MITF: variants seen among roughly 807,000 people sequenced by gnomAD.
MITF encodes the protein microphthalmia-associated transcription factor.
MITF carries 17 observed loss-of-function variants against 60.5 expected under a neutral mutation model. The observed-to-expected ratio is 0.28, with a 90% CI of 0.19 to 0.42. The LOEUF (loss-of-function observed/expected upper bound fraction) is 0.42. Ranked by LOEUF, MITF falls within the 10% of genes least tolerant of loss-of-function variation. The pLI is 1.00. For synonymous variants in MITF, 260 were observed against 248.5 expected (o/e 1.05, Z -0.43); for missense variants, 622 against 683.5 (o/e 0.91, Z 1.00).
intron 1 of MITF, among the ~76,000 whole-genome samples, chr3:69,862,540 TAAG>T (rs1383210969): frequency 1.3e-5 from 2 of 152,184 alleles, no homozygotes; most frequent in Non-Finnish European, 2.9e-5. Flanking sequence ...CTAAATAAAA[TAAG>T]AAGAATTTTG....
At chr3:69,912,258 T>C (rs972362480) in intron 2 of MITF, among the ~76,000 whole-genome samples, 1 of 152,212 alleles carries the variant, frequency 6.6e-6, no homozygotes, top group Non-Finnish European at 1.5e-5. Context: ...TTCTGGGTAA[T>C]AGTTGCCTCT....
chr3:69,813,171 A>C (rs1409202706), intron 1 of MITF, among the ~76,000 whole-genome samples: 1 of 152,206 alleles, frequency 6.6e-6, no homozygotes, highest in African/African-American at 2.4e-5. Context: ...CTGACTCAGA[A>C]GATTTTCTCA....
intron 5 of MITF, among the ~76,000 whole-genome samples, chr3:69,942,314 AT>A (rs2065986722): frequency 6.6e-6 from 1 of 152,134 alleles, no homozygotes; most frequent in Non-Finnish European, 1.5e-5. Context: ...AAGACGGCAA[AT>A]TTTATCCTAT....
chr3:69,794,070 C>T (rs2062788573), intron 1 of MITF, among the ~76,000 whole-genome samples: 1 of 152,158 alleles, frequency 6.6e-6, no homozygotes, highest in Non-Finnish European at 1.5e-5. Context: ...GCAGTGGCAT[C>T]CAGGTAGCCA....
intron 1 of MITF, among the ~76,000 whole-genome samples, chr3:69,774,874 A>G (rs999934097): frequency 1.2e-4 from 18 of 152,156 alleles, no homozygotes; most frequent in African/African-American, 3.9e-4. Context: ...GCACTGTTAG[A>G]GCTGGAGGGG....
chr3:69,843,976 G>A (rs754358309), intron 1 of MITF, among the ~76,000 whole-genome samples: 49 of 152,184 alleles, frequency 3.2e-4, no homozygotes, highest in South Asian at 6.2e-4. Context: ...TCCCACTTAC[G>A]AGTGATAACA....
chr3:69,746,879 T>C (rs989478139), intron 1 of MITF, among the ~76,000 whole-genome samples: 1 of 152,210 alleles, frequency 6.6e-6, no homozygotes, highest in African/African-American at 2.4e-5. Context: ...GCAAATGATC[T>C]TGGGAGGAGG....
At chr3:69,796,687 T>C (rs543362520) in intron 1 of MITF, among the ~76,000 whole-genome samples, 1 of 150,390 alleles carries the variant, frequency 6.6e-6, no homozygotes, top group South Asian at 2.1e-4. Context: ...TTTGTATTTT[T>C]GGTAGAGACG....
chr3:69,784,820 A>G (rs369443650), intron 1 of MITF, among the ~76,000 whole-genome samples: 3 of 152,260 alleles, frequency 2.0e-5, no homozygotes, highest in East Asian at 3.9e-4. Context: ...AAAATAGGAA[A>G]ATGATGATCT....
At chr3:69,862,992 C>CTGTGTG (rs112179482) in intron 1 of MITF, among the ~76,000 whole-genome samples, 6 of 150,148 alleles carry the variant, frequency 4.0e-5, no homozygotes, top group African/African-American at 1.5e-4. Flanking sequence ...CTCTTTCCCT[C>CTGTGTG]TGTGTGTGTG....
intron 1 of MITF, among the ~76,000 whole-genome samples, chr3:69,753,689 T>C (rs560042622): frequency 6.6e-6 from 1 of 152,322 alleles, no homozygotes; most frequent in African/African-American, 2.4e-5. Flanking sequence ...CAAAGGAGAT[T>C]ATTTTGGAGC....
At chr3:69,960,140 A>G (rs930472146) in intron 9 of MITF, among the ~76,000 whole-genome samples, 10 of 150,786 alleles carry the variant, frequency 6.6e-5, no homozygotes, top group Admixed American at 5.3e-4. Flanking sequence ...AGTACTGACT[A>G]TACCACGTTA....
intron 1 of MITF, among the ~76,000 whole-genome samples, chr3:69,781,213 A>G (rs569593247): frequency 1.1e-4 from 16 of 152,166 alleles, no homozygotes; most frequent in Non-Finnish European, 1.8e-4. Context: ...GATAAGACAG[A>G]TCTTTTCTGC....
At chr3:69,908,688 A>G (rs573702902) in intron 2 of MITF, among the ~76,000 whole-genome samples, 2 of 152,314 alleles carry the variant, frequency 1.3e-5, no homozygotes, top group Non-Finnish European at 2.9e-5. Flanking sequence ...CTTTCCCATA[A>G]GAAAATTTGG....
chr3:69,861,025 G>A (rs941842578), intron 1 of MITF, among the ~76,000 whole-genome samples: 1 of 152,186 alleles, frequency 6.6e-6, no homozygotes, highest in Non-Finnish European at 1.5e-5. Context: ...CAGTCATGCT[G>A]TGATGGTTTC....
chr3:69,846,078 C>T (rs535048252), intron 1 of MITF, among the ~76,000 whole-genome samples: 1 of 151,410 alleles, frequency 6.6e-6, no homozygotes. Flanking sequence ...AGAAAAATAA[C>T]ACCAAAGGGC....
At chr3:69,813,416 C>T (rs2063131735) in intron 1 of MITF, among the ~76,000 whole-genome samples, 1 of 152,182 alleles carries the variant, frequency 6.6e-6, no homozygotes, top group Non-Finnish European at 1.5e-5. Context: ...TTCTCAGAGT[C>T]ACTTACAAAT....
At position 69,949,147 on chromosome 3, in the gene MITF, A is replaced by G. The variant is rs779202378; in HGVS notation, c.859A>G (p.Asn287Asp). 35 of 1,613,360 alleles carry G rather than the reference A, an allele frequency of 2.2e-5. No homozygotes were observed. Among genetic ancestry groups the G allele is most frequent in the Non-Finnish European group, 2.8e-5 (33 of 1,179,594 alleles). ...ISNSCPANLP[N>D]IKRELTACIF... ...CAACTCCTGTCCAGCCAACCTTCCC[A>G]ACATAAAAAGGGAGCTCACAGGTAA... Residue 287 changes from asparagine (N) to aspartate (D), a missense_variant, in exon 6 of 10, where the codon AAC (asparagine) becomes GAC (aspartate). This residue lies in a region of MITF where 215 missense variants were observed against 224.8 expected (regional missense o/e 0.96). Transcript: ENST00000352241.
chr3:69,884,572 C>T (rs184856563), intron 2 of MITF, among the ~76,000 whole-genome samples: 3 of 152,092 alleles, frequency 2.0e-5, no homozygotes, highest in African/African-American at 4.8e-5. Context: ...TGAGTGGCAG[C>T]CCCTTTGCTT....
Sources: gnomAD v4.1 joint callset for allele counts (sites outside exome capture counted in the v4.1 genomes callset) on GRCh38, gnomAD v4.1.1 for gene constraint, gnomAD v4.1.1 regional missense constraint, MANE v1.5 for transcripts, NCBI Gene and HGNC (gene_info 2026-07-23, HGNC 2026-07-21) for gene names.